GRB2: variants seen among roughly 807,000 people sequenced by gnomAD.
GRB2 encodes growth factor receptor bound protein 2.
GRB2 carries 2 observed loss-of-function variants against 27.4 expected under a neutral mutation model. The ratio of observed to expected loss-of-function variants is 0.07; its 90% CI spans 0.03 to 0.23. The LOEUF (loss-of-function observed/expected upper bound fraction) is 0.23. Ranked by LOEUF, GRB2 falls within the 10% of genes least tolerant of loss-of-function variation. GRB2 has a pLI of 1.00. For synonymous variants in GRB2, 94 were observed against 99.6 expected, an observed-to-expected ratio of 0.94 and a Z score of 0.33; for missense variants, 102 against 282.4, an observed-to-expected ratio of 0.36 and a Z score of 4.58.
In GRB2 at chr17:75,320,220, G is replaced by C; in HGVS notation, c.*148C>G. On this transcript the variant is annotated 3_prime_UTR_variant, in exon 6 of 6. Transcript: ENST00000316804. The surrounding 1 kb of genome is among the most constrained non-coding windows in gnomAD (Gnocchi z 4.3). ...CCAACGCCCCCTCCCACCCCCTAAA[G>C]TTCCAACCAAAGTGAGAGGGTCACA... 1 of 631,732 alleles carries C rather than the reference G, an allele frequency of 1.6e-6. No individual in the cohort carries two copies. The highest frequency in any genetic ancestry group is 2.8e-6 in the Non-Finnish European group (1 of 358,930). 39.1% of individuals were successfully genotyped at this position (631,732 alleles called of 1,614,324 possible).
At chr17:75,339,025 G>A in intron 2 of GRB2, 1 of 1,260,098 alleles carries the variant, frequency 7.9e-7, no homozygotes, top group East Asian at 2.3e-5. Flanking sequence ...AAAGAAGACT[G>A]TGCTAAGGCT....
In GRB2 at chr17:75,405,574, G is replaced by A. The variant is rs893594920; in HGVS notation, c.-223C>T. 7 of 156,020 alleles carry A rather than the reference G, an allele frequency of 4.5e-5. No individual in the cohort carries two copies. Among genetic ancestry groups the A allele is most frequent in the Non-Finnish European group, 7.2e-5 (5 of 69,882 alleles). The allele number at this position is 156,020 out of a possible 1,614,324, so 9.7% of individuals were successfully genotyped here. A position where few individuals can be genotyped will look rare whatever the true frequency, so the allele number is the denominator to read the frequency against. On this transcript the variant is annotated 5_prime_UTR_variant, in exon 1 of 6. Transcript: ENST00000316804. ...GCGACCCCAAGGCTGCTCTGCGAGG[G>A]CAGCGCTTGCTCCCGCCGCCGTCAC...
At chr17:75,337,785 G>A (rs976964695) in intron 2 of GRB2, among the ~76,000 whole-genome samples, 1 of 150,412 alleles carries the variant, frequency 6.6e-6, no homozygotes, top group Admixed American at 6.6e-5. Flanking sequence ...TAGCCAGGAC[G>A]GTCTTGATCT....
intron 4 of GRB2, among the ~76,000 whole-genome samples, chr17:75,324,709 G>A (rs997060771): frequency 6.6e-6 from 1 of 151,744 alleles, no homozygotes; most frequent in African/African-American, 2.4e-5. Context: ...CAGAAACAGG[G>A]TTTCACCATG....
intron 1 of GRB2, among the ~76,000 whole-genome samples, chr17:75,398,883 G>A (rs1252213216): frequency 1.3e-5 from 2 of 152,004 alleles, no homozygotes; most frequent in Non-Finnish European, 2.9e-5. Context: ...AAGTAGCTGG[G>A]ATTACAGGTG....
At chr17:75,328,559 G>C (rs1365392903) in intron 3 of GRB2, among the ~76,000 whole-genome samples, 6 of 151,948 alleles carry the variant, frequency 3.9e-5, no homozygotes, top group Non-Finnish European at 7.4e-5. Flanking sequence ...AGAATCGCTT[G>C]AATCTCCGGG....
intron 1 of GRB2, among the ~76,000 whole-genome samples, chr17:75,399,367 CTTT>C (rs71161208): frequency 1.8e-4 from 19 of 107,918 alleles, no homozygotes; most frequent in Non-Finnish European, 1.4e-4. Context: ...ACAATCTTTT[CTTT>C]TTTTTTTTTT....
Position 75,373,287 on chromosome 17 carries a change from A to C in GRB2, c.78+20264T>G, listed in dbSNP as rs1312619383. 2.0e-5 allele frequency: 3 copies of C among 152,188 alleles called. No individual in the cohort carries two copies. The East Asian group carries it at 5.8e-4, about 29-fold the overall frequency. The allele number at this position is 152,188 out of a possible 1,614,324, so 9.4% of individuals were successfully genotyped here. A position where few individuals can be genotyped will look rare whatever the true frequency, so the allele number is the denominator to read the frequency against. ...CTTTCAGAGTATTTCCTTAAGCAAG[A>C]GTGAGGCTGGAGGCATGATGTTTGG... On this transcript the variant is annotated intron_variant, in intron 2 of 5. Coordinates refer to ENST00000316804, the MANE Select transcript of GRB2 (RefSeq NM_002086.5).
At chr17:75,337,901 C>CTACTACTACTACTATTATTAT (rs1375563317) in intron 2 of GRB2, among the ~76,000 whole-genome samples, 15 of 117,388 alleles carry the variant, frequency 1.3e-4, no homozygotes, top group African/African-American at 5.8e-4. Flanking sequence ...ACTACTACTA[C>CTACTACTACTACTATTATTAT]TATTATTATT....
chr17:75,358,599 G>A (rs1215939695), intron 2 of GRB2, among the ~76,000 whole-genome samples: 1 of 150,898 alleles, frequency 6.6e-6, no homozygotes, highest in Non-Finnish European at 1.5e-5. Flanking sequence ...CCGCGGTTGG[G>A]CATGCCTGTA....
In GRB2 at chr17:75,390,540, C is replaced by T. The variant is rs143110105; in HGVS notation, c.78+3011G>A. 1.3e-3 allele frequency among the ~76,000 whole-genome samples: 205 copies of T among 152,216 alleles called. 1 individual carries two copies. The highest frequency in any genetic ancestry group is 4.9e-3 in the African/African-American group (203 of 41,524). On this transcript the variant is annotated intron_variant, in intron 2 of 5. Coordinates refer to ENST00000316804, the MANE Select transcript of GRB2 (RefSeq NM_002086.5). ...TACATCCCAGTGTCCTCTCCCTCCCCGAGCCAAGAAAAACACAAGCTTTTA... is the reference window on the plus strand; with the variant it reads ...TACATCCCAGTGTCCTCTCCCTCCCTGAGCCAAGAAAAACACAAGCTTTTA...
rs562357135 is a variant in GRB2, at chr17:75,386,270, C to T, written c.78+7281G>A. Among the ~76,000 whole-genome samples, 3 of 152,200 alleles carry T rather than the reference C, an allele frequency of 2.0e-5. No individual in the cohort carries two copies. In the East Asian group the frequency reaches 5.8e-4, roughly 29 times the overall value. ...AGTAGCTGGGACTAGAGGCACACAC[C>T]ACCACGCCCAGCTAATTTGTGTATT... On this transcript the variant is annotated intron_variant, in intron 2 of 5. Transcript: ENST00000316804.
At position 75,401,662 on chromosome 17, in the gene GRB2, T is replaced by G. The variant is rs559645213; in HGVS notation, c.-138+3827A>C. On this transcript the variant is annotated intron_variant, in intron 1 of 5. Transcript: ENST00000316804. ...TCAAATGTCACTTTCCACTTACTAA[T>G]GAGGGGACACTGGAGAAGTAACTTA... Among the ~76,000 whole-genome samples, 83 of 152,304 alleles carry G rather than the reference T, an allele frequency of 5.4e-4. 1 individual carries two copies. The highest frequency in any genetic ancestry group is 1.9e-3 in the African/African-American group (80 of 41,568).
chr17:75,385,607 G>A (rs2078959002), intron 2 of GRB2, among the ~76,000 whole-genome samples: 1 of 152,168 alleles, frequency 6.6e-6, no homozygotes, highest in Non-Finnish European at 1.5e-5. Flanking sequence ...AAACCAGATT[G>A]GATCTGAATC....
Position 75,401,295 on chromosome 17 carries a change from A to C in GRB2, c.-138+4194T>G, listed in dbSNP as rs561801237. 5.3e-5 allele frequency among the ~76,000 whole-genome samples: 8 copies of C among 151,360 alleles called. No homozygotes were observed. In the South Asian group the frequency reaches 1.7e-3, roughly 32 times the overall value. ...CCCGTCTCTACTAAAAATACAAAAA[A>C]TTAGCCGGGCGCGGTGGCGGGCGCC... On this transcript the variant is annotated intron_variant, in intron 1 of 5. Coordinates refer to ENST00000316804, the MANE Select transcript of GRB2 (RefSeq NM_002086.5).
chr17:75,363,841 C>T (rs2145849758), intron 2 of GRB2, among the ~76,000 whole-genome samples: 1 of 126,496 alleles, frequency 7.9e-6, no homozygotes, highest in Admixed American at 8.9e-5. Flanking sequence ...GCCTGGGCGA[C>T]AGAGCAAGAC....
chr17:75,341,715 T>C (rs1270023778), intron 2 of GRB2, among the ~76,000 whole-genome samples: 2 of 152,152 alleles, frequency 1.3e-5, no homozygotes, highest in Admixed American at 6.5e-5. Flanking sequence ...GCCCCATGAA[T>C]ACTGCTTTCT....
In GRB2 at chr17:75,404,906, G is replaced by T. The variant is rs61764590; in HGVS notation, c.-138+583C>A. 1,441 of 152,174 alleles carry T rather than the reference G, an allele frequency of 9.5e-3. 28 individuals are homozygous for T. The highest frequency in any genetic ancestry group is 0.049 in the South Asian group (235 of 4,828). The allele number at this position is 152,174 out of a possible 1,614,324, so 9.4% of individuals were successfully genotyped here. On this transcript the variant is annotated intron_variant, in intron 1 of 5. Transcript: ENST00000316804. ...CCCGCTCTCGCCGCAATCCTTCCTCGGTGCAGTCCAACCTGCTACTGCTGA... is the reference window on the plus strand; with the variant it reads ...CCCGCTCTCGCCGCAATCCTTCCTCTGTGCAGTCCAACCTGCTACTGCTGA...
At chr17:75,321,593 C>T in intron 5 of GRB2, 66 bp downstream of exon 5, 5 of 1,482,494 alleles carry the variant, frequency 3.4e-6, no homozygotes, top group Non-Finnish European at 4.7e-6. Flanking sequence ...CCCTTTCCTA[C>T]AGGAATGCAC....
Sources: allele counts gnomAD v4.1 joint callset (sites outside exome capture counted in the v4.1 genomes callset), GRCh38; gene constraint gnomAD v4.1.1; non-coding constraint Gnocchi (gnomAD v3.1); transcripts MANE v1.5; gene names NCBI Gene and HGNC (gene_info 2026-07-23, HGNC 2026-07-21).